Variants in LRMDA observed in about 807,000 individuals in gnomAD.
LRMDA encodes the protein leucine rich melanocyte differentiation associated.
A neutral mutation model predicts 29.8 loss-of-function variants in LRMDA; 18 were observed. The ratio of observed to expected loss-of-function variants is 0.60; its 90% CI spans 0.42 to 0.90. LRMDA has a LOEUF of 0.90. Ranked by LOEUF, LRMDA falls within the 40% of genes least tolerant of loss-of-function variation. LRMDA has a pLI of 0.00. For synonymous variants in LRMDA, 125 were observed against 109.4 expected (o/e 1.14, Z -0.89); for missense variants, 273 against 273.9 (o/e 1.00, Z 0.02).
At chr10:76,458,118 G>A (rs1842475749) in intron 6 of LRMDA, among the ~76,000 whole-genome samples, 1 of 79,170 alleles carries the variant, frequency 1.3e-5, no homozygotes, top group South Asian at 3.5e-4. Context: ...CACACTCCTA[G>A]TGCTTTCAAA....
chr10:76,557,314 A>G lies in LRMDA; in HGVS notation c.*26A>G, dbSNP rs758620460. On this transcript the variant is annotated 3_prime_UTR_variant, in exon 7 of 7. Coordinates refer to ENST00000611255, the MANE Select transcript of LRMDA (RefSeq NM_001305581.2). ...AGCCAACTTCTGTATACCTTCACCC[A>G]TTTCATGAAAATAAAATCAAAAGGG... 2 of 1,544,852 alleles carry G rather than the reference A, an allele frequency of 1.3e-6. No individual in the cohort carries two copies. The highest frequency in any genetic ancestry group is 1.8e-6 in the Non-Finnish European group (2 of 1,121,250).
chr10:75,644,555 A>T (rs1325641348), intron 2 of LRMDA, among the ~76,000 whole-genome samples: 1 of 152,192 alleles, frequency 6.6e-6, no homozygotes, highest in Non-Finnish European at 1.5e-5. Flanking sequence ...CCTCAAAATA[A>T]GTAAATAAAT....
At chr10:76,212,688 AGATATT>A (rs1288280184) in intron 5 of LRMDA, among the ~76,000 whole-genome samples, 4 of 152,228 alleles carry the variant, frequency 2.6e-5, no homozygotes, top group Admixed American at 2.6e-4. Flanking sequence ...TGTTGGTTTC[AGATATT>A]GAAATTAGCT....
In LRMDA at chr10:75,925,366, C is replaced by T. The variant is rs977131692; in HGVS notation, c.132-110642C>T. Among the ~76,000 whole-genome samples the T allele has an allele frequency of 2.0e-5, 3 of 152,116 alleles. No homozygotes were observed. In the South Asian group the frequency reaches 6.2e-4, roughly 32 times the overall value. ...CGGAGTACTTTCTCCGTAAGACATACCACATGTTTACCACTTAATTGCCCA... is the reference window on the plus strand; with the variant it reads ...CGGAGTACTTTCTCCGTAAGACATATCACATGTTTACCACTTAATTGCCCA... On this transcript the variant is annotated intron_variant, in intron 2 of 6. Transcript: ENST00000611255.
At chr10:75,745,282 G>T (rs145068757) in intron 2 of LRMDA, among the ~76,000 whole-genome samples, 1 of 151,354 alleles carries the variant, frequency 6.6e-6, no homozygotes, top group Admixed American at 6.6e-5. Context: ...CTCTCTCTCC[G>T]TGTGTGTGTA....
chr10:75,996,349 G>T (rs1006408149), intron 2 of LRMDA, among the ~76,000 whole-genome samples: 1 of 152,130 alleles, frequency 6.6e-6, no homozygotes, highest in African/African-American at 2.4e-5. Flanking sequence ...TCTTTGGTTC[G>T]TTGCTTTTGG....
At chr10:75,741,319 C>G (rs781082750) in intron 2 of LRMDA, among the ~76,000 whole-genome samples, 7 of 152,142 alleles carry the variant, frequency 4.6e-5, no homozygotes, top group Non-Finnish European at 1.5e-5. Context: ...GGCACATTCT[C>G]AGACCACATG....
intron 6 of LRMDA, among the ~76,000 whole-genome samples, chr10:76,472,830 T>A (rs2637271): frequency 2.6e-5 from 4 of 151,098 alleles, no homozygotes; most frequent in Non-Finnish European, 3.0e-5. Flanking sequence ...ATAGAACATT[T>A]GAATGGACCT....
chr10:75,680,270 A>G (rs1842008281), intron 2 of LRMDA, among the ~76,000 whole-genome samples: 1 of 152,240 alleles, frequency 6.6e-6, no homozygotes, highest in African/African-American at 2.4e-5. Context: ...TAACAGTAGG[A>G]TGCTGGTAGG....
intron 2 of LRMDA, among the ~76,000 whole-genome samples, chr10:75,614,914 G>A (rs1841079988): frequency 6.6e-6 from 1 of 152,124 alleles, no homozygotes; most frequent in Non-Finnish European, 1.5e-5. Flanking sequence ...GAGGAGGCTG[G>A]CTTCTCCCTG....
intron 6 of LRMDA, among the ~76,000 whole-genome samples, chr10:76,441,694 GC>G (rs1050244680): frequency 6.6e-6 from 1 of 152,082 alleles, no homozygotes; most frequent in Non-Finnish European, 1.5e-5. Context: ...GCGAGGCTCT[GC>G]CCCCCTCTCC....
intron 6 of LRMDA, among the ~76,000 whole-genome samples, chr10:76,428,234 G>A (rs1047184403): frequency 1.4e-4 from 21 of 151,986 alleles, no homozygotes; most frequent in African/African-American, 4.8e-4. Context: ...TCTTCATTGA[G>A]AGAGAGAGAG....
chr10:75,719,178 G>T (rs1842536760), intron 2 of LRMDA, among the ~76,000 whole-genome samples: 1 of 152,202 alleles, frequency 6.6e-6, no homozygotes, highest in Non-Finnish European at 1.5e-5. Flanking sequence ...TTAACACCCA[G>T]CCCTGTCATG....
intron 2 of LRMDA, among the ~76,000 whole-genome samples, chr10:75,512,051 T>C (rs1212225041): frequency 1.3e-5 from 2 of 152,238 alleles, no homozygotes; most frequent in Non-Finnish European, 2.9e-5. Flanking sequence ...AGGTTTGTAG[T>C]AGGTTCTCAC....
chr10:76,047,338 G>C, intron 4 of LRMDA, 35 bp downstream of exon 4: 2 of 1,563,742 alleles, frequency 1.3e-6, no homozygotes, highest in African/African-American at 2.8e-5. Context: ...GGTGGGAAAA[G>C]GGAAAAAGAG....
chr10:75,876,444 G>C (rs1845199671), intron 2 of LRMDA, among the ~76,000 whole-genome samples: 1 of 152,058 alleles, frequency 6.6e-6, no homozygotes, highest in African/African-American at 2.4e-5. Flanking sequence ...AGAGGCCCTC[G>C]CGGGAGCTAT....
chr10:76,422,275 C>G (rs1401750039), intron 6 of LRMDA, among the ~76,000 whole-genome samples: 1 of 152,090 alleles, frequency 6.6e-6, no homozygotes. Flanking sequence ...CACACGCTCA[C>G]TCTCCCCAAG....
intron 2 of LRMDA, among the ~76,000 whole-genome samples, chr10:75,605,446 T>C (rs755421981): frequency 1.3e-4 from 20 of 152,192 alleles, no homozygotes; most frequent in Non-Finnish European, 2.6e-4. Flanking sequence ...CCTAGAAAGT[T>C]TGTACATTGT....
chr10:75,732,289 A>C (rs1455611354), intron 2 of LRMDA, among the ~76,000 whole-genome samples: 1 of 152,158 alleles, frequency 6.6e-6, no homozygotes, highest in Non-Finnish European at 1.5e-5. Context: ...TTTGGAAAGG[A>C]AGCATCAATT....
Sources: allele counts gnomAD v4.1 joint callset (sites outside exome capture counted in the v4.1 genomes callset), GRCh38; gene constraint gnomAD v4.1.1; transcripts MANE v1.5; gene names NCBI Gene and HGNC (gene_info 2026-07-23, HGNC 2026-07-21).